The following FBN3 variants were observed in gnomAD, a reference collection of about 807,000 sequenced individuals.
FBN3 encodes fibrillin-3.
FBN3 carries 234 observed loss-of-function variants against 330.1 expected under a neutral mutation model. That is an observed-to-expected ratio of 0.71 (90% CI 0.64 to 0.79). The LOEUF (loss-of-function observed/expected upper bound fraction) is 0.79. Among genes scored for constraint, FBN3 ranks in the 30% least tolerant of loss-of-function variants. The probability of loss-of-function intolerance (pLI) is 0.00; values close to 1 mark genes in which losing one functional copy is unlikely to be tolerated. For synonymous variants in FBN3, 1,458 were observed against 1,517.3 expected, an observed-to-expected ratio of 0.96 and a Z score of 0.91; for missense variants, 3,606 against 3,886.9, an observed-to-expected ratio of 0.93 and a Z score of 1.92.
intron 40 of FBN3, among the ~76,000 whole-genome samples, chr19:8,101,354 C>T (rs1326330671): frequency 2.0e-5 from 3 of 152,144 alleles, no homozygotes; most frequent in Non-Finnish European, 4.4e-5. Flanking sequence ...CAGCTATAAG[C>T]CCCTAGAAGT....
intron 37 of FBN3, 70 bp downstream of exon 37, chr19:8,108,100 G>T: frequency 7.2e-7 from 1 of 1,385,192 alleles, no homozygotes; most frequent in Non-Finnish European, 1.0e-6. Context: ...CTACACTTTG[G>T]TGAGGTGGGG....
At chr19:8,082,727 C>T (rs2081834311) in intron 57 of FBN3, among the ~76,000 whole-genome samples, 3 of 152,224 alleles carry the variant, frequency 2.0e-5, no homozygotes, top group Middle Eastern at 3.4e-3. Context: ...ATCCTGGCTT[C>T]AAATGATGTG....
At chr19:8,116,047 A>G (rs1346509451) in intron 29 of FBN3, among the ~76,000 whole-genome samples, 1 of 152,098 alleles carries the variant, frequency 6.6e-6, no homozygotes, top group South Asian at 2.1e-4. Context: ...GCATTTGTTC[A>G]CAAGGCCCAT....
At chr19:8,075,625 G>A (rs973366359) in intron 59 of FBN3, among the ~76,000 whole-genome samples, 7 of 152,152 alleles carry the variant, frequency 4.6e-5, no homozygotes, top group Non-Finnish European at 7.4e-5. Flanking sequence ...CATCTCCACC[G>A]CCTCGAAGCT....
At chr19:8,133,375 T>G (rs559158797) in intron 13 of FBN3, among the ~76,000 whole-genome samples, 2 of 152,374 alleles carry the variant, frequency 1.3e-5, no homozygotes, top group East Asian at 3.9e-4. Context: ...ACGTGGTGGT[T>G]TTTGCACAAC....
In FBN3 at chr19:8,121,447, CA is replaced by C. The variant is rs1448816383; in HGVS notation, c.3083-62del. On this transcript the variant is annotated intron_variant, in intron 24 of 63. Coordinates refer to ENST00000600128, the MANE Select transcript of FBN3 (RefSeq NM_032447.5). This position sits in a 1 kb window ranked among gnomAD's most constrained non-coding sequence, Gnocchi z 4.5. ...GTGGGCCGCATCATGGGGCACGAGGCAGGGGGGTCCCTGTCCTTTGATGGAG... is the reference window on the plus strand; with the variant it reads ...GTGGGCCGCATCATGGGGCACGAGGCGGGGGGTCCCTGTCCTTTGATGGAG... The C allele has an allele frequency of 9.5e-6, 14 of 1,475,104 alleles. No individual in the cohort carries two copies. The highest frequency in any genetic ancestry group is 1.8e-6 in the Non-Finnish European group (2 of 1,101,598). The allele number at this position is 1,475,104 out of a possible 1,614,324, so 91.4% of individuals were successfully genotyped here.
rs374933234 is a variant in FBN3 at position 8,088,703 on chromosome 19, ATAAG to A, written c.6377-528_6377-525del. On this transcript the variant is annotated intron_variant, in intron 51 of 63. Coordinates refer to ENST00000600128, the MANE Select transcript of FBN3 (RefSeq NM_032447.5). Reference sequence around the variant, plus strand: ...AATGAGGAAACGAATGAGTGACTGAATAAGTGAGTGAAAGCATGAATGAATGAGC... The same window carrying A: ...AATGAGGAAACGAATGAGTGACTGAATGAGTGAAAGCATGAATGAATGAGC... Among the ~76,000 whole-genome samples, 7 of 152,324 alleles carry A rather than the reference ATAAG, an allele frequency of 4.6e-5. No individual in the cohort carries two copies. The East Asian group carries it at 7.7e-4, about 17-fold the overall frequency.
At chr19:8,084,176 C>G (rs1228912049) in intron 56 of FBN3, among the ~76,000 whole-genome samples, 1 of 152,202 alleles carries the variant, frequency 6.6e-6, no homozygotes, top group Non-Finnish European at 1.5e-5. Context: ...GTGAGACGCA[C>G]TGATGTCCTT....
chr19:8,147,021 C>T lies in FBN3; in HGVS notation c.250+83G>A, dbSNP rs1018906422. On this transcript the variant is annotated intron_variant, in intron 3 of 63. Transcript: ENST00000600128. ...AGCCAGAGGTCCCTGGCTAAGTCCC[C>T]GTGTAAACAGAGCTGAACCTGCAGG... The T allele has an allele frequency of 3.7e-5, 47 of 1,280,846 alleles. 1 individual carries two copies. In the South Asian group the frequency reaches 4.0e-4, roughly 11 times the overall value. The allele number at this position is 1,280,846 out of a possible 1,614,324, so 79.3% of individuals were successfully genotyped here. A position where few individuals can be genotyped will look rare whatever the true frequency, so the allele number is the denominator to read the frequency against.
In FBN3 at chr19:8,118,943, C is replaced by T; in HGVS notation, c.3291G>A (p.Gln1097=). ...CTNTDGSYKC[Q]CPPGHELTAK... ...CCGTCAGCTCATGCCCAGGGGGACA[C>T]TGGCACTTGTAGCTCCCATCCGTGT... The change falls in exon 26 of 64, where the codon CAG becomes CAA. Residue 1097 remains glutamine (Q), a synonymous_variant. Transcript: ENST00000600128. The T allele has an allele frequency of 3.7e-6, 6 of 1,613,410 alleles. No individual in the cohort carries two copies. Among genetic ancestry groups the T allele is most frequent in the Non-Finnish European group, 5.1e-6 (6 of 1,179,326 alleles).
chr19:8,076,263 T>TGTGTGC (rs2081639287), intron 59 of FBN3, among the ~76,000 whole-genome samples: 1 of 151,960 alleles, frequency 6.6e-6, no homozygotes, highest in African/African-American at 2.4e-5. Context: ...TGTGTGTGTG[T>TGTGTGC]GTGTGTGTGT....
chr19:8,086,450 A>ATTT, intron 54 of FBN3, 125 bp from the exon 55 acceptor site: 1 of 257,868 alleles, frequency 3.9e-6, no homozygotes. Flanking sequence ...ATTTATTTTT[A>ATTT]TTATTATTAT....
intron 13 of FBN3, 25 bp downstream of exon 13, chr19:8,135,936 G>GGGGGGGGGGGGCGCCCCCCCCCCCCC: frequency 6.0e-6 from 4 of 668,776 alleles, no homozygotes; most frequent in Non-Finnish European, 9.6e-6. Flanking sequence ...GGAAGCCCCT[G>GGGGGGGGGGGGCGCCCCCCCCCCCCC]CCCACCCGCC....
chr19:8,090,967 C>T (rs933536286), intron 48 of FBN3, among the ~76,000 whole-genome samples: 1 of 152,170 alleles, frequency 6.6e-6, no homozygotes. Context: ...TGGCTCTGGA[C>T]ACCTATCAAG....
chr19:8,069,365 A>T (rs1265841286), intron 63 of FBN3, among the ~76,000 whole-genome samples: 1 of 152,090 alleles, frequency 6.6e-6, no homozygotes, highest in Non-Finnish European at 1.5e-5. Flanking sequence ...CCCCACAGAA[A>T]GTCATCTGTG....
At chr19:8,067,123 C>CTTTT (rs997965759) in intron 63 of FBN3, among the ~76,000 whole-genome samples, 10 of 147,424 alleles carry the variant, frequency 6.8e-5, no homozygotes, top group East Asian at 4.1e-4. Context: ...GTTTCTTCTT[C>CTTTT]TTTTTCTTTT....
rs1328183104 is a variant in FBN3 at position 8,089,470 on chromosome 19, C to G, written c.6376+75G>C. The G allele has an allele frequency of 2.2e-5, 35 of 1,568,024 alleles. No individual in the cohort carries two copies. In the Admixed American group the frequency reaches 6.3e-4, roughly 28 times the overall value. On this transcript the variant is annotated intron_variant, in intron 51 of 63. Coordinates refer to ENST00000600128, the MANE Select transcript of FBN3 (RefSeq NM_032447.5). ...GATCTCACCCACTGCCTGGGGGTGTCTTCCCTGCCCTGCTCTGCTCCTTCC... is the reference window on the plus strand; with the variant it reads ...GATCTCACCCACTGCCTGGGGGTGTGTTCCCTGCCCTGCTCTGCTCCTTCC...
In FBN3 at chr19:8,065,836, G is replaced by C; in HGVS notation, c.*83C>G. On this transcript the variant is annotated 3_prime_UTR_variant, in exon 64 of 64. Coordinates refer to ENST00000600128, the MANE Select transcript of FBN3 (RefSeq NM_032447.5). ...TGAGTTTCGGGGTTCAATCTGGTCAGCCATCGCTTCTGGGGATCAGTCCTT... is the reference window on the plus strand; with the variant it reads ...TGAGTTTCGGGGTTCAATCTGGTCACCCATCGCTTCTGGGGATCAGTCCTT... 1 of 1,156,464 alleles carries C rather than the reference G, an allele frequency of 8.6e-7. No individual in the cohort carries two copies. 71.6% of individuals were successfully genotyped at this position (1,156,464 alleles called of 1,614,324 possible).
intron 13 of FBN3, among the ~76,000 whole-genome samples, chr19:8,134,081 A>G (rs190785574): frequency 5.5e-5 from 8 of 144,464 alleles, no homozygotes; most frequent in African/African-American, 1.0e-4. Context: ...AAAAAAAAAA[A>G]GAAAAAAAAA....
Sources: allele counts gnomAD v4.1 joint callset (sites outside exome capture counted in the v4.1 genomes callset), GRCh38; gene constraint gnomAD v4.1.1; non-coding constraint Gnocchi (gnomAD v3.1); transcripts MANE v1.5; gene names NCBI Gene and HGNC (gene_info 2026-07-23, HGNC 2026-07-21).